The following ITPRID2 variants were observed in gnomAD, a reference collection of about 807,000 sequenced individuals.
ITPRID2 encodes the protein ITPR interacting domain containing 2, also known as protein ITPRID2.
Under a neutral mutation model 124.3 loss-of-function variants are expected in ITPRID2, and 60 were observed. That is an observed-to-expected ratio of 0.48 (90% CI 0.39 to 0.60). The LOEUF (loss-of-function observed/expected upper bound fraction) is 0.60, where lower values mean the gene tolerates loss of function less well. Ranked by LOEUF, ITPRID2 falls within the 20% of genes least tolerant of loss-of-function variation. The pLI is 0.00. For synonymous variants in ITPRID2, 521 were observed against 542.9 expected, an observed-to-expected ratio of 0.96 and a Z score of 0.56; for missense variants, 1,553 against 1,512.2, an observed-to-expected ratio of 1.03 and a Z score of -0.45.
rs142471395 is a variant in ITPRID2 at position 181,924,000 on chromosome 2, A to G, written c.3675+1588A>G. On this transcript the variant is annotated intron_variant, in intron 16 of 17. Transcript: ENST00000431877. ...CCTCTCATTAAATATGAAAGATTTT[A>G]TAATTTGCAAACACTTAAGCTGGTA... Among the ~76,000 whole-genome samples, 11 of 152,354 alleles carry G rather than the reference A, an allele frequency of 7.2e-5. No homozygotes were observed. In the East Asian group the frequency reaches 1.9e-3, roughly 27 times the overall value.
intron 8 of ITPRID2, among the ~76,000 whole-genome samples, chr2:181,903,982 T>C (rs1283311783): frequency 6.6e-6 from 1 of 152,216 alleles, no homozygotes; most frequent in East Asian, 1.9e-4. Flanking sequence ...AAACAAATTA[T>C]GTTAGGTAAT....
chr2:181,919,023 T>G lies in ITPRID2; in HGVS notation c.2993+141T>G, dbSNP rs1270696023. On this transcript the variant is annotated intron_variant, in intron 13 of 17. Transcript: ENST00000431877. This position sits in a 1 kb window ranked among gnomAD's most constrained non-coding sequence, Gnocchi z 4.2. Reference sequence around the variant, plus strand: ...TGTGAACCAGTGTAGATAAGATTAGTCATAGATAGTGTTTTACTAAGTAAA... The same window carrying G: ...TGTGAACCAGTGTAGATAAGATTAGGCATAGATAGTGTTTTACTAAGTAAA... The G allele has an allele frequency of 1.7e-6, 2 of 1,191,352 alleles. No individual in the cohort carries two copies. Among genetic ancestry groups the G allele is most frequent in the Admixed American group, 5.5e-5 (2 of 36,594 alleles). 73.8% of individuals were successfully genotyped at this position (1,191,352 alleles called of 1,614,324 possible).
At chr2:181,917,175 A>G (rs1574280999) in intron 11 of ITPRID2, 1 of 186,436 alleles carries the variant, frequency 5.4e-6, no homozygotes, top group East Asian at 1.9e-4. Flanking sequence ...TGAATGAATC[A>G]TGTTTAGACA....
intron 7 of ITPRID2, among the ~76,000 whole-genome samples, chr2:181,901,280 T>C (rs1014550795): frequency 1.3e-5 from 2 of 152,176 alleles, no homozygotes; most frequent in Admixed American, 6.5e-5. Flanking sequence ...ACTCATATCT[T>C]TGCTTGTTTT....
At chr2:181,926,292 A>G (rs1271985402) in intron 16 of ITPRID2, among the ~76,000 whole-genome samples, 1 of 152,198 alleles carries the variant, frequency 6.6e-6, no homozygotes, top group Admixed American at 6.5e-5. Flanking sequence ...AATATATTTT[A>G]TGAAACAGTA....
Position 181,919,358 on chromosome 2 carries a change from A to C in ITPRID2, c.3056A>C (p.Glu1019Ala). 6.2e-7 allele frequency: 1 copy of C among 1,614,136 alleles called. No individual in the cohort carries two copies. The highest frequency in any genetic ancestry group is 1.1e-5 in the South Asian group (1 of 91,078). ...GTCCGAATGGAACTTCAGGACCTGG[A>C]ACTGCAGCTGGAGGAGCGCCTGCTG... ...NSVRMELQDL[E>A]LQLEERLLGL... is the part of the protein sequence containing the mutation. Residue 1019 changes from glutamate (E) to alanine (A), a missense_variant, in exon 14 of 18, where the codon GAA becomes GCA. Glu to Ala is a moderately radical substitution (Grantham distance 107). Transcript: ENST00000431877. This position sits in a 1 kb window ranked among gnomAD's most constrained non-coding sequence, Gnocchi z 4.2.
rs1574218891 is a variant in ITPRID2, at chr2:181,901,004, A to G, written c.712+100A>G. The G allele has an allele frequency of 6.4e-6, 6 of 930,648 alleles. No individual in the cohort carries two copies. In the East Asian group the frequency reaches 1.6e-4, roughly 25 times the overall value. The allele number at this position is 930,648 out of a possible 1,614,324, so 57.6% of individuals were successfully genotyped here. A position where few individuals can be genotyped will look rare whatever the true frequency, so the allele number is the denominator to read the frequency against. On this transcript the variant is annotated intron_variant, in intron 7 of 17. Transcript: ENST00000431877. Reference sequence around the variant, plus strand: ...CCTTAATTTTCAGGAATAGCACTGGAAAGTAAAGAGATTGATTAACGCAAA... The same window carrying G: ...CCTTAATTTTCAGGAATAGCACTGGGAAGTAAAGAGATTGATTAACGCAAA...
chr2:181,898,958 A>G, intron 5 of ITPRID2, 39 bp downstream of exon 5: 1 of 1,598,048 alleles, frequency 6.3e-7, no homozygotes. Flanking sequence ...TAAAAAATGA[A>G]GACCTTTAAT....
In ITPRID2 at chr2:181,907,175, A is replaced by G. The variant is rs1338578635; in HGVS notation, c.1414-2724A>G. Among the ~76,000 whole-genome samples, 3 of 152,336 alleles carry G rather than the reference A, an allele frequency of 2.0e-5. No individual in the cohort carries two copies. The highest frequency in any genetic ancestry group is 4.8e-5 in the African/African-American group (2 of 41,582). ...AATACAATACAGTAGTATTGTGCCTAGAAGATCCCTCTTAGTCAAGGTAAA... is the reference window on the plus strand; with the variant it reads ...AATACAATACAGTAGTATTGTGCCTGGAAGATCCCTCTTAGTCAAGGTAAA... On this transcript the variant is annotated intron_variant, in intron 8 of 17. Coordinates refer to ENST00000431877, the MANE Select transcript of ITPRID2 (RefSeq NM_001130445.3). This position sits in a 1 kb window ranked among gnomAD's most constrained non-coding sequence, Gnocchi z 5.1.
chr2:181,922,495 T>C lies in ITPRID2; in HGVS notation c.3675+83T>C, dbSNP rs764884815. The C allele has an allele frequency of 3.2e-4, 400 of 1,268,276 alleles. 3 individuals carry two copies. The highest frequency in any genetic ancestry group is 4.1e-4 in the Non-Finnish European group (380 of 936,358). 78.6% of individuals were successfully genotyped at this position (1,268,276 alleles called of 1,614,324 possible). On this transcript the variant is annotated intron_variant, in intron 16 of 17. Coordinates refer to ENST00000431877, the MANE Select transcript of ITPRID2 (RefSeq NM_001130445.3). The stretch of plus-strand genomic sequence containing the variant: ...GTCTGAATATTAATTATTTACAGAA[T>C]GTTCTTTTGATTCACTGTATTCAAT...
At chr2:181,921,697 T>A (rs1275332937) in intron 15 of ITPRID2, among the ~76,000 whole-genome samples, 2 of 152,206 alleles carry the variant, frequency 1.3e-5, no homozygotes, top group African/African-American at 2.4e-5. Flanking sequence ...TTGGACACTT[T>A]GGTGGTAACA....
At position 181,896,148 on chromosome 2, in the gene ITPRID2, G is replaced by A; in HGVS notation, c.307+69G>A. On this transcript the variant is annotated intron_variant, in intron 3 of 17. Transcript: ENST00000431877. The surrounding 1 kb of genome is among the most constrained non-coding windows in gnomAD (Gnocchi z 4.3). ...CTACTTCTTTGTCCTCTGGGTAAAA[G>A]TGTATATATGACTTATAAAAGTGAT... The A allele has an allele frequency of 7.5e-7, 1 of 1,332,526 alleles. No individual in the cohort carries two copies. 82.5% of individuals were successfully genotyped at this position (1,332,526 alleles called of 1,614,324 possible).
chr2:181,915,121 CA>C, intron 10 of ITPRID2, 94 bp from the exon 11 acceptor site: 1 of 1,414,816 alleles, frequency 7.1e-7, no homozygotes, highest in East Asian at 2.3e-5. Context: ...GCAGTGGAGA[CA>C]GTGAAATTAT....
In ITPRID2 at chr2:181,892,154, T is replaced by A; in HGVS notation, c.88T>A (p.Cys30Ser). Residue 30 changes from cysteine (C) to serine (S), a missense_variant, in exon 1 of 18, where the codon TGC becomes AGC. Physicochemically the swap from Cys to Ser is moderately radical, Grantham distance 112 (BLOSUM62 -1). Coordinates refer to ENST00000431877, the MANE Select transcript of ITPRID2 (RefSeq NM_001130445.3). This position sits in a 1 kb window ranked among gnomAD's most constrained non-coding sequence, Gnocchi z 5.2. ...TCGCAGGAGGAAGGCCTGGGCCAAGTGCCGCAGCTCCTGGCAAGCGTCGGA... is the reference window on the plus strand; with the variant it reads ...TCGCAGGAGGAAGGCCTGGGCCAAGAGCCGCAGCTCCTGGCAAGCGTCGGA... ...ASRRRKAWAK[C>S]RSSWQASETE... The A allele has an allele frequency of 6.4e-7, 1 of 1,556,798 alleles. No individual in the cohort carries two copies. The highest frequency in any genetic ancestry group is 1.2e-5 in the South Asian group (1 of 84,424).
intron 8 of ITPRID2, among the ~76,000 whole-genome samples, chr2:181,903,562 A>C (rs1196916843): frequency 6.6e-6 from 1 of 152,010 alleles, no homozygotes; most frequent in Non-Finnish European, 1.5e-5. Context: ...TTTATTGTAA[A>C]ATTTCAGTTG....
At chr2:181,908,297 G>A (rs1409605106) in intron 8 of ITPRID2, among the ~76,000 whole-genome samples, 1 of 152,056 alleles carries the variant, frequency 6.6e-6, no homozygotes, top group East Asian at 1.9e-4. Flanking sequence ...TGAGAGATTT[G>A]GTATATTAAT....
At position 181,895,114 on chromosome 2, in the gene ITPRID2, C is replaced by T. The variant is rs138724379; in HGVS notation, c.258-916C>T. Among the ~76,000 whole-genome samples the T allele has an allele frequency of 4.5e-3, 687 of 152,052 alleles. 11 individuals are homozygous for T. The highest frequency in any genetic ancestry group is 0.015 in the African/African-American group (621 of 41,538). On this transcript the variant is annotated intron_variant, in intron 2 of 17. Coordinates refer to ENST00000431877, the MANE Select transcript of ITPRID2 (RefSeq NM_001130445.3). ...TTAGTATACTTGTAGAAAGTTTTAA[C>T]CTTTAATTGGCATTTCAGTAACATT...
intron 15 of ITPRID2, 112 bp from the exon 16 acceptor site, chr2:181,921,836 T>A (rs912367840): frequency 1.2e-5 from 11 of 913,582 alleles, no homozygotes; most frequent in Non-Finnish European, 1.8e-5. Context: ...AATAGATTTA[T>A]GTCTTTACAA....
In ITPRID2 at chr2:181,920,123, G is replaced by A. The variant is rs1694375069; in HGVS notation, c.3145-474G>A. On this transcript the variant is annotated intron_variant, in intron 14 of 17. Coordinates refer to ENST00000431877, the MANE Select transcript of ITPRID2 (RefSeq NM_001130445.3). ...TGTTGCTTTGAAATGCTGAAATAGTGAATTATTCTTTGTTACCTTAACAAT... is the reference window on the plus strand; with the variant it reads ...TGTTGCTTTGAAATGCTGAAATAGTAAATTATTCTTTGTTACCTTAACAAT... 3.3e-5 allele frequency among the ~76,000 whole-genome samples: 5 copies of A among 152,182 alleles called. No homozygotes were observed. The South Asian group carries it at 1.0e-3, about 32-fold the overall frequency.
Sources: gnomAD v4.1 joint callset for allele counts (sites outside exome capture counted in the v4.1 genomes callset) on GRCh38, gnomAD v4.1.1 for gene constraint, Gnocchi (gnomAD v3.1) non-coding constraint, MANE v1.5 for transcripts, NCBI Gene and HGNC (gene_info 2026-07-23, HGNC 2026-07-21) for gene names.